WDPCP: variants seen among roughly 807,000 people sequenced by gnomAD.
The protein encoded by WDPCP is WD repeat containing planar cell polarity effector, also known as WD repeat-containing and planar cell polarity effector protein fritz homolog.
A neutral mutation model predicts 93.1 loss-of-function variants in WDPCP; 71 were observed. The ratio of observed to expected loss-of-function variants is 0.76; its 90% CI spans 0.63 to 0.93. The LOEUF (loss-of-function observed/expected upper bound fraction) is 0.93. Among genes scored for constraint, WDPCP ranks in the 40% least tolerant of loss-of-function variants. The pLI, the probability that WDPCP is intolerant of heterozygous loss-of-function variation, is 0.00. For synonymous variants in WDPCP, 315 were observed against 315.0 expected, an observed-to-expected ratio of 1.00 and a Z score of 0.00; for missense variants, 844 against 887.4, an observed-to-expected ratio of 0.95 and a Z score of 0.62.
chr2:63,524,601 C>T (rs551228430), intron 1 of WDPCP, among the ~76,000 whole-genome samples: 1 of 152,270 alleles, frequency 6.6e-6, no homozygotes, highest in African/African-American at 2.4e-5. Flanking sequence ...CAAAAATCAA[C>T]TCAAGATGGA....
intron 14 of WDPCP, among the ~76,000 whole-genome samples, chr2:63,247,862 CCTT>C (rs1680412209): frequency 1.3e-5 from 2 of 151,298 alleles, no homozygotes; most frequent in East Asian, 3.9e-4. Context: ...TCCATTGCTG[CCTT>C]CTTTTGTTTT....
intron 13 of WDPCP, among the ~76,000 whole-genome samples, chr2:63,281,259 C>T (rs553702328): frequency 3.2e-4 from 49 of 152,150 alleles, no homozygotes; most frequent in Non-Finnish European, 5.4e-4. Flanking sequence ...ATCAGGGTAA[C>T]GCAAATCAAA....
At chr2:63,274,928 TCTC>T (rs1682966684) in intron 13 of WDPCP, among the ~76,000 whole-genome samples, 1 of 152,006 alleles carries the variant, frequency 6.6e-6, no homozygotes, top group African/African-American at 2.4e-5. Context: ...GAGCAAAAAT[TCTC>T]CTAACTCATT....
intron 14 of WDPCP, among the ~76,000 whole-genome samples, chr2:63,236,805 T>G (rs1679434602): frequency 6.6e-6 from 1 of 152,052 alleles, no homozygotes. Flanking sequence ...GACCCCTACC[T>G]CTCAACATAT....
intron 1 of WDPCP, among the ~76,000 whole-genome samples, chr2:63,547,374 T>C (rs922947500): frequency 7.9e-5 from 12 of 152,120 alleles, no homozygotes; most frequent in African/African-American, 2.9e-4. Flanking sequence ...AAACTAAAAA[T>C]AGAACTACCG....
chr2:63,761,854 G>C (rs1163716618), intron 2 of WDPCP, among the ~76,000 whole-genome samples: 1 of 152,122 alleles, frequency 6.6e-6, no homozygotes, highest in Non-Finnish European at 1.5e-5. Context: ...TTGACATTCA[G>C]TATTAACCAT....
intron 13 of WDPCP, among the ~76,000 whole-genome samples, chr2:63,293,683 A>G (rs1348234714): frequency 1.3e-5 from 2 of 152,210 alleles, no homozygotes; most frequent in African/African-American, 2.4e-5. Context: ...TAAAAAGAAA[A>G]CCTAAAAGCA....
intron 17 of WDPCP, among the ~76,000 whole-genome samples, chr2:63,148,931 AAACTT>A (rs768126240): frequency 6.6e-6 from 1 of 152,122 alleles, no homozygotes; most frequent in Non-Finnish European, 1.5e-5. Flanking sequence ...TGAAAGGTAA[AAACTT>A]TAATAAAAGG....
chr2:63,129,039 C>A (rs554672861), intron 17 of WDPCP, among the ~76,000 whole-genome samples: 1 of 152,304 alleles, frequency 6.6e-6, no homozygotes, highest in East Asian at 1.9e-4. Flanking sequence ...AATATTTGTC[C>A]TTTTGAGCCT....
intron 1 of WDPCP, among the ~76,000 whole-genome samples, chr2:63,826,566 A>G (rs1311240214): frequency 6.6e-6 from 1 of 152,146 alleles, no homozygotes; most frequent in African/African-American, 2.4e-5. Context: ...AAAGTCTGCT[A>G]CTTCTTTCTT....
intron 1 of WDPCP, among the ~76,000 whole-genome samples, chr2:63,575,458 AGTATATATG>A (rs1707950207): frequency 1.6e-4 from 6 of 37,742 alleles, no homozygotes; most frequent in Non-Finnish European, 2.6e-4. Flanking sequence ...CTGTATATAC[AGTATATATG>A]CAGTATATAC....
chr2:63,213,522 G>T (rs974492198), intron 14 of WDPCP, among the ~76,000 whole-genome samples: 1 of 152,130 alleles, frequency 6.6e-6, no homozygotes, highest in African/African-American at 2.4e-5. Context: ...GAGAAAGCAG[G>T]AAAGATCTAA....
intron 12 of WDPCP, among the ~76,000 whole-genome samples, chr2:63,315,387 A>G (rs1029802638): frequency 6.7e-6 from 1 of 149,752 alleles, no homozygotes; most frequent in East Asian, 2.0e-4. Flanking sequence ...TAGTGCCCCT[A>G]ACTTTCACAG....
At chr2:63,378,599 C>T (rs1300556324) in intron 11 of WDPCP, 90 bp from the exon 12 acceptor site, 4 of 1,563,188 alleles carry the variant, frequency 2.6e-6, no homozygotes, top group African/African-American at 2.7e-5. Flanking sequence ...TCAGGTTTTG[C>T]AGACTTGGAT....
intron 12 of WDPCP, among the ~76,000 whole-genome samples, chr2:63,321,493 C>T (rs570358021): frequency 4.6e-5 from 7 of 151,808 alleles, no homozygotes; most frequent in African/African-American, 1.7e-4. Flanking sequence ...TCATTCTGGC[C>T]CATCTTAGAC....
chr2:63,660,130 G>A (rs1006951491), intron 2 of WDPCP, among the ~76,000 whole-genome samples: 1 of 152,096 alleles, frequency 6.6e-6, no homozygotes, highest in Admixed American at 6.5e-5. Context: ...ATGATAAGCT[G>A]TAACTTAGAT....
chr2:63,532,578 T>C (rs968992432), intron 1 of WDPCP, among the ~76,000 whole-genome samples: 56 of 152,320 alleles, frequency 3.7e-4, no homozygotes, highest in African/African-American at 1.3e-3. Context: ...GAAAAGAATT[T>C]TCAACCCAGA....
At chr2:63,722,097 C>T (rs1438858559) in intron 2 of WDPCP, among the ~76,000 whole-genome samples, 1 of 152,082 alleles carries the variant, frequency 6.6e-6, no homozygotes, top group African/African-American at 2.4e-5. Context: ...ACCTCCCCGC[C>T]GCCTGCCTTG....
chr2:63,488,008 G>A (rs2105922867), intron 2 of WDPCP, among the ~76,000 whole-genome samples: 1 of 152,168 alleles, frequency 6.6e-6, no homozygotes, highest in South Asian at 2.1e-4. Context: ...ATTATTATCT[G>A]AAACTTGTTT....
Sources: allele counts gnomAD v4.1 joint callset (sites outside exome capture counted in the v4.1 genomes callset), GRCh38; gene constraint gnomAD v4.1.1; transcripts MANE v1.5; gene names NCBI Gene and HGNC (gene_info 2026-07-23, HGNC 2026-07-21).